Variants in DNM3 observed in about 807,000 individuals in gnomAD.
DNM3 encodes dynamin 3.
Under a neutral mutation model 101.6 loss-of-function variants are expected in DNM3, and 47 were observed. That is an observed-to-expected ratio of 0.46 (90% CI 0.37 to 0.59). The LOEUF is 0.59. Among genes scored for constraint, DNM3 ranks in the 20% least tolerant of loss-of-function variants. The pLI is 0.00. For missense variants in DNM3, 849 were observed against 1,085.7 expected, an observed-to-expected ratio of 0.78 and a Z score of 3.06; for synonymous variants, 385 against 387.9, an observed-to-expected ratio of 0.99 and a Z score of 0.09.
At chr1:172,235,736 A>G (rs1039229589) in intron 14 of DNM3, among the ~76,000 whole-genome samples, 13 of 152,160 alleles carry the variant, frequency 8.5e-5, no homozygotes, top group Admixed American at 7.9e-4. Flanking sequence ...TCAGCAAACT[A>G]TCGCAAGGAC....
chr1:171,876,907 G>A (rs190097409), intron 1 of DNM3, among the ~76,000 whole-genome samples: 229 of 152,286 alleles, frequency 1.5e-3, no homozygotes, highest in African/African-American at 5.4e-3. Context: ...TGTTGTTCCA[G>A]GCGATTAGCA....
chr1:171,917,693 T>C (rs1035689613), intron 1 of DNM3, among the ~76,000 whole-genome samples: 4 of 152,166 alleles, frequency 2.6e-5, no homozygotes, highest in Admixed American at 1.3e-4. Flanking sequence ...TTAATAACAC[T>C]GAGTCTTCAG....
intron 2 of DNM3, among the ~76,000 whole-genome samples, chr1:171,936,754 G>A (rs1263158410): frequency 1.3e-5 from 2 of 152,124 alleles, no homozygotes; most frequent in African/African-American, 2.4e-5. Flanking sequence ...ATAATTATCA[G>A]TATTGAGTAT....
chr1:172,406,876 A>G (rs905953930), intron 20 of DNM3, among the ~76,000 whole-genome samples: 2 of 151,948 alleles, frequency 1.3e-5, no homozygotes, highest in Non-Finnish European at 2.9e-5. Flanking sequence ...AAAAAGAAAC[A>G]TTTCAATTTG....
chr1:171,886,544 T>A (rs537237058), intron 1 of DNM3, among the ~76,000 whole-genome samples: 315 of 152,134 alleles, frequency 2.1e-3, no homozygotes, highest in African/African-American at 7.1e-3. Context: ...ATTTTTTTTT[T>A]AAAGAATCTA....
chr1:171,969,173 TA>T (rs201878073), intron 2 of DNM3, among the ~76,000 whole-genome samples: 2,033 of 152,112 alleles, frequency 0.013, 49 homozygotes, highest in African/African-American at 0.046. Context: ...GACACTCCTA[TA>T]AAAAAATGAC....
intron 13 of DNM3, 126 bp from the exon 14 acceptor site, chr1:172,131,049 G>T: frequency 1.2e-6 from 1 of 800,556 alleles, no homozygotes; most frequent in Non-Finnish European, 2.0e-6. Context: ...TGGAAGTTGA[G>T]TTTGGAGGGA....
chr1:171,968,894 T>C (rs531243276), intron 2 of DNM3, among the ~76,000 whole-genome samples: 134 of 152,284 alleles, frequency 8.8e-4, no homozygotes, highest in Non-Finnish European at 1.6e-3. Context: ...AATTATGCTA[T>C]TGTTGTGTTC....
At chr1:172,151,960 C>T (rs1232157861) in intron 14 of DNM3, among the ~76,000 whole-genome samples, 6 of 152,120 alleles carry the variant, frequency 3.9e-5, no homozygotes, top group Admixed American at 6.5e-5. Context: ...ACTGCAGCCT[C>T]GACCTCCTGG....
intron 14 of DNM3, among the ~76,000 whole-genome samples, chr1:172,165,375 G>A (rs368139349): frequency 6.6e-6 from 1 of 152,086 alleles, no homozygotes; most frequent in Non-Finnish European, 1.5e-5. Flanking sequence ...ATTTCTGCAT[G>A]TTTAATATTT....
At chr1:172,393,851 G>A (rs1455483718) in intron 20 of DNM3, 1 of 152,520 alleles carries the variant, frequency 6.6e-6, no homozygotes, top group Non-Finnish European at 1.5e-5. Flanking sequence ...CAACTTTGAG[G>A]TGTTCTTTTT....
chr1:172,307,981 T>C (rs1052515211), intron 15 of DNM3, among the ~76,000 whole-genome samples: 25 of 152,078 alleles, frequency 1.6e-4, no homozygotes, highest in African/African-American at 5.1e-4. Flanking sequence ...GTAACAAACC[T>C]GCACGCTGTG....
At chr1:172,057,012 G>A (rs1490204448) in intron 10 of DNM3, among the ~76,000 whole-genome samples, 2 of 152,058 alleles carry the variant, frequency 1.3e-5, no homozygotes, top group African/African-American at 2.4e-5. Flanking sequence ...AGCTGATGGA[G>A]CTGAAAACCA....
At chr1:171,908,229 G>A (rs1013265626) in intron 1 of DNM3, among the ~76,000 whole-genome samples, 3 of 152,162 alleles carry the variant, frequency 2.0e-5, no homozygotes, top group African/African-American at 4.8e-5. Context: ...CATTAATGCA[G>A]GAGATAAGAT....
chr1:171,909,779 G>C (rs2039143153), intron 1 of DNM3, among the ~76,000 whole-genome samples: 1 of 152,254 alleles, frequency 6.6e-6, no homozygotes, highest in African/African-American at 2.4e-5. Flanking sequence ...AATTATAATT[G>C]GAACAATTAG....
Position 172,364,875 on chromosome 1 carries a change from C to T in DNM3, c.1894-14143C>T, listed in dbSNP as rs551082650. 6.2e-4 allele frequency among the ~76,000 whole-genome samples: 94 copies of T among 151,972 alleles called. 4 individuals are homozygous for T. In the South Asian group the frequency reaches 0.019, roughly 31 times the overall value. Reference sequence around the variant, plus strand: ...GCTCTGGCCATGTGAAGTGCTTGTTCCCCCTTCACCTTCCACCATGATTGT... The same window carrying T: ...GCTCTGGCCATGTGAAGTGCTTGTTTCCCCTTCACCTTCCACCATGATTGT... On this transcript the variant is annotated intron_variant, in intron 17 of 20. Coordinates refer to ENST00000627582, the MANE Select transcript of DNM3 (RefSeq NM_015569.5).
intron 1 of DNM3, among the ~76,000 whole-genome samples, chr1:171,912,015 C>T (rs2039348582): frequency 6.6e-6 from 1 of 152,052 alleles, no homozygotes; most frequent in Admixed American, 6.5e-5. Flanking sequence ...GTGGTCCAGC[C>T]CATGTTTCCA....
At chr1:171,986,373 C>T (rs925117384) in intron 2 of DNM3, among the ~76,000 whole-genome samples, 64 of 152,202 alleles carry the variant, frequency 4.2e-4, no homozygotes, top group Middle Eastern at 3.4e-3. Flanking sequence ...CTTGAAGACA[C>T]GGACCACATC....
chr1:172,323,377 C>A, intron 17 of DNM3, 37 bp downstream of exon 17: 1 of 1,599,062 alleles, frequency 6.3e-7, no homozygotes, highest in Non-Finnish European at 8.5e-7. Flanking sequence ...TTCTGTCCCC[C>A]CAGCCCCTGC....
Sources: gnomAD v4.1 joint callset for allele counts (sites outside exome capture counted in the v4.1 genomes callset) on GRCh38, gnomAD v4.1.1 for gene constraint, MANE v1.5 for transcripts, NCBI Gene and HGNC (gene_info 2026-07-23, HGNC 2026-07-21) for gene names.